COX7A2L: variants seen among roughly 807,000 people sequenced by gnomAD.
The protein encoded by COX7A2L is cytochrome c oxidase subunit 7A2-like, mitochondrial.
Under a neutral mutation model 14.2 loss-of-function variants are expected in COX7A2L, and 18 were observed. The ratio of observed to expected loss-of-function variants is 1.27; its 90% CI spans 0.88 to 1.88. COX7A2L has a LOEUF of 1.88. COX7A2L is among the 40% of genes most tolerant of loss of function. The pLI is 0.00. For missense variants in COX7A2L, 179 were observed against 138.8 expected (o/e 1.29, Z -1.46); for synonymous variants, 65 against 57.4 (o/e 1.13, Z -0.60).
At chr2:42,354,861 A>G (rs1670767065) in intron 1 of COX7A2L, among the ~76,000 whole-genome samples, 2 of 151,884 alleles carry the variant, frequency 1.3e-5, no homozygotes, top group African/African-American at 4.8e-5. Context: ...GCTAATATCT[A>G]TTTAACCCTT....
downstream of COX7A2L, among the ~76,000 whole-genome samples, chr2:42,344,900 T>G (rs1265872361): frequency 6.6e-6 from 1 of 151,992 alleles, no homozygotes; most frequent in Non-Finnish European, 1.5e-5. Flanking sequence ...GGTTCCGGTT[T>G]CCATGGATAA....
chr2:42,356,489 G>A (rs544394887), intron 1 of COX7A2L, among the ~76,000 whole-genome samples: 11 of 152,224 alleles, frequency 7.2e-5, no homozygotes, highest in Non-Finnish European at 1.3e-4. Flanking sequence ...AATATAGGCA[G>A]AATGTTCAAA....
intron 1 of COX7A2L, among the ~76,000 whole-genome samples, chr2:42,360,671 C>A (rs1670997474): frequency 6.6e-6 from 1 of 152,070 alleles, no homozygotes; most frequent in Admixed American, 6.6e-5. Flanking sequence ...CCCGCGCTCT[C>A]TAATCTCGAG....
chr2:42,358,264 T>C (rs190860570), intron 1 of COX7A2L, among the ~76,000 whole-genome samples: 192 of 152,360 alleles, frequency 1.3e-3, no homozygotes, highest in African/African-American at 4.5e-3. Flanking sequence ...CATGTGCTTA[T>C]TGGCCTCAAT....
chr2:42,361,310 A>C (rs1671044031), upstream of COX7A2L: 2 of 692,872 alleles, frequency 2.9e-6, no homozygotes, highest in East Asian at 3.0e-5. Flanking sequence ...TAAAACCTGC[A>C]CACTTAAGCC....
rs1670349634 is a variant in COX7A2L, at chr2:42,339,212, T to C, written c.193-5343A>G. Among the ~76,000 whole-genome samples the C allele has an allele frequency of 6.6e-6, 1 of 152,142 alleles. No individual in the cohort carries two copies. The highest frequency in any genetic ancestry group is 1.5e-5 in the Non-Finnish European group (1 of 68,012). On this transcript the variant is annotated intron_variant, in intron 2 of 2. Transcript: ENST00000468711. This position sits in a 1 kb window ranked among gnomAD's most constrained non-coding sequence, Gnocchi z 5.4. ...ACTTTTTTTATTAACCATTATCAAG[T>C]TTAAACACAAGGATTTGCCAGGGAG...
downstream of COX7A2L, among the ~76,000 whole-genome samples, chr2:42,347,576 T>G (rs1323376039): frequency 6.6e-6 from 1 of 152,026 alleles, no homozygotes; most frequent in African/African-American, 2.4e-5. Context: ...AAGCTACAAG[T>G]GAGATTTGGA....
chr2:42,347,908 C>T (rs368360256), downstream of COX7A2L, among the ~76,000 whole-genome samples: 34 of 151,908 alleles, frequency 2.2e-4, no homozygotes, highest in Middle Eastern at 3.4e-3. Context: ...GCAACAAGAG[C>T]GAAACTCCAT....
chr2:42,340,889 G>C (rs1444368295), intron 2 of COX7A2L, among the ~76,000 whole-genome samples: 7 of 152,192 alleles, frequency 4.6e-5, no homozygotes, highest in Admixed American at 4.6e-4. Context: ...AATGATTTGT[G>C]CTTCAAGAGC....
intron 1 of COX7A2L, among the ~76,000 whole-genome samples, chr2:42,353,953 C>G (rs141105332): frequency 3.9e-5 from 6 of 152,236 alleles, no homozygotes; most frequent in Admixed American, 1.3e-4. Context: ...CACGGATAAG[C>G]CTCTAAAACA....
At chr2:42,365,993 AG>A (rs1450460451), upstream of COX7A2L, 1 of 152,260 alleles carries the variant, frequency 6.6e-6, no homozygotes, top group Non-Finnish European at 1.5e-5. Context: ...GTGCCCAGAC[AG>A]CCATGGAAAT....
chr2:42,343,557 G>T (rs1393751436), intron 2 of COX7A2L, among the ~76,000 whole-genome samples: 1 of 152,176 alleles, frequency 6.6e-6, no homozygotes, highest in African/African-American at 2.4e-5. Flanking sequence ...CCCGACATGG[G>T]CAGTCTGTGG....
At chr2:42,337,486 G>C (rs1485703527) in intron 2 of COX7A2L, among the ~76,000 whole-genome samples, 7 of 152,056 alleles carry the variant, frequency 4.6e-5, no homozygotes, top group Admixed American at 4.6e-4. Flanking sequence ...ACTACAAAGG[G>C]GTGGCACAAG....
chr2:42,346,060 C>T (rs549858438), downstream of COX7A2L, among the ~76,000 whole-genome samples: 1 of 152,152 alleles, frequency 6.6e-6, no homozygotes, highest in Non-Finnish European at 1.5e-5. Flanking sequence ...AAGAATAGGG[C>T]AGCCTGCACT....
intron 1 of COX7A2L, among the ~76,000 whole-genome samples, chr2:42,357,766 CCCT>C (rs2103904294): frequency 6.6e-6 from 1 of 152,252 alleles, no homozygotes; most frequent in Admixed American, 6.5e-5. Flanking sequence ...CTGAAGCCCT[CCCT>C]CCTCATCCCC....
Position 42,343,608 on chromosome 2 carries a change from C to A in COX7A2L, c.192+9604G>T, listed in dbSNP as rs530779456. Among the ~76,000 whole-genome samples the A allele has an allele frequency of 3.9e-5, 6 of 152,190 alleles. No homozygotes were observed. The South Asian group carries it at 1.2e-3, about 32-fold the overall frequency. On this transcript the variant is annotated intron_variant, in intron 2 of 2. Transcript: ENST00000468711. The stretch of plus-strand genomic sequence containing the variant: ...CAGCCTAGGAGGTGTGGAGGCAAAA[C>A]GTCAAATATATGTATTAAATCACTG...
At chr2:42,354,357 T>C (rs1350007868) in intron 1 of COX7A2L, among the ~76,000 whole-genome samples, 2 of 152,188 alleles carry the variant, frequency 1.3e-5, no homozygotes, top group Non-Finnish European at 2.9e-5. Flanking sequence ...CAAAATAACC[T>C]GTAAATTAAA....
downstream of COX7A2L, among the ~76,000 whole-genome samples, chr2:42,345,383 CAAAACA>C (rs1670475521): frequency 6.6e-6 from 1 of 151,596 alleles, no homozygotes; most frequent in African/African-American, 2.4e-5. Context: ...AGCTCTGTCT[CAAAACA>C]AAAACAAAAA....
At position 42,342,784 on chromosome 2, in the gene COX7A2L, C is replaced by G. The variant is rs544556283; in HGVS notation, c.193-8915G>C. ...ATGACCTAAAGAATGCTCTTCCTGG[C>G]CATTCAGCGCCCCCCGTTTCGGGTT... On this transcript the variant is annotated intron_variant, in intron 2 of 2. Transcript: ENST00000468711. The surrounding 1 kb of genome is among the most constrained non-coding windows in gnomAD (Gnocchi z 4.9). Among the ~76,000 whole-genome samples the G allele has an allele frequency of 2.3e-4, 35 of 151,634 alleles. No individual in the cohort carries two copies. The highest frequency in any genetic ancestry group is 4.4e-4 in the Non-Finnish European group (30 of 67,976).
Sources: gnomAD v4.1 joint callset for allele counts (sites outside exome capture counted in the v4.1 genomes callset) on GRCh38, gnomAD v4.1.1 for gene constraint, Gnocchi (gnomAD v3.1) non-coding constraint, MANE v1.5 for transcripts, NCBI Gene and HGNC (gene_info 2026-07-23, HGNC 2026-07-21) for gene names.